The following SLC18A2 variants were observed in gnomAD, a reference collection of about 807,000 sequenced individuals.
SLC18A2 encodes solute carrier family 18 member A2.
A neutral mutation model predicts 59.2 loss-of-function variants in SLC18A2; 33 were observed. The ratio of observed to expected loss-of-function variants is 0.56; its 90% confidence interval spans 0.42 to 0.75. The LOEUF is 0.75. Among genes scored for constraint, SLC18A2 ranks in the 30% least tolerant of loss-of-function variants. The probability of loss-of-function intolerance (pLI) is 0.00; values close to 1 mark genes in which losing one functional copy is unlikely to be tolerated. For synonymous variants in SLC18A2, 228 were observed against 253.5 expected (o/e 0.90, Z 0.95); for missense variants, 569 against 668.6 (o/e 0.85, Z 1.64).
At chr10:117,267,599 A>C in intron 12 of SLC18A2, 74 bp from the exon 13 acceptor site, 1 of 1,161,774 alleles carries the variant, frequency 8.6e-7, no homozygotes, top group South Asian at 1.6e-5. Context: ...AGAAAACACA[A>C]GTTCAAGACT....
intron 3 of SLC18A2, among the ~76,000 whole-genome samples, chr10:117,244,707 C>T (rs1251079728): frequency 6.6e-6 from 1 of 152,338 alleles, no homozygotes; most frequent in East Asian, 1.9e-4. Context: ...TCTCCTACCT[C>T]AGGCCATGCA....
At chr10:117,258,002 C>A (rs935213779) in intron 10 of SLC18A2, 110 bp downstream of exon 10, 1 of 674,132 alleles carries the variant, frequency 1.5e-6, no homozygotes. Context: ...AAAGTGATTG[C>A]TTCTGTTTGA....
intron 13 of SLC18A2, chr10:117,268,741 G>C (rs1844379267): frequency 6.6e-6 from 1 of 152,276 alleles, no homozygotes; most frequent in South Asian, 2.1e-4. Flanking sequence ...GAGAATAATA[G>C]GGGGGACCAG....
Position 117,277,874 on chromosome 10 carries a change from A to G in SLC18A2, c.*608A>G, listed in dbSNP as rs1409339723. ...AAATCTTAGCTGGCATTAGTTTTCT[A>G]TGTAATCACCTACCTAGAGAGAGTT... On this transcript the variant is annotated 3_prime_UTR_variant, in exon 16 of 16. Coordinates refer to ENST00000644641, the MANE Select transcript of SLC18A2 (RefSeq NM_003054.6). The G allele has an allele frequency of 1.3e-5, 2 of 152,232 alleles. No homozygotes were observed. The highest frequency in any genetic ancestry group is 2.4e-5 in the African/African-American group (1 of 41,468). The allele number at this position is 152,232 out of a possible 1,614,324, so 9.4% of individuals were successfully genotyped here.
intron 13 of SLC18A2, chr10:117,268,031 AT>A (rs1310423797): frequency 1.7e-5 from 5 of 296,382 alleles, no homozygotes; most frequent in Non-Finnish European, 3.2e-5. Flanking sequence ...CACAGAGCTC[AT>A]TTTTGTGGAC....
chr10:117,250,968 G>A (rs1844156905), intron 3 of SLC18A2, among the ~76,000 whole-genome samples: 1 of 152,168 alleles, frequency 6.6e-6, no homozygotes, highest in Non-Finnish European at 1.5e-5. Flanking sequence ...ATTTTATTGA[G>A]TTTTGTCCTG....
intron 9 of SLC18A2, 136 bp from the exon 10 acceptor site, chr10:117,257,661 C>T: frequency 4.2e-6 from 2 of 477,024 alleles, no homozygotes; most frequent in Non-Finnish European, 3.7e-6. Flanking sequence ...TTGCTGTCCC[C>T]TTGATATGCG....
rs775593356 is a variant in SLC18A2, at chr10:117,270,121, C to T, written c.1237C>T (p.Arg413Trp). 5 of 1,614,134 alleles carry T rather than the reference C, an allele frequency of 3.1e-6. No individual in the cohort carries two copies. Among genetic ancestry groups the T allele is most frequent in the Admixed American group, 1.7e-5 (1 of 60,016 alleles). The change falls in exon 14 of 16, where the codon CGG (arginine) becomes TGG (tryptophan). Residue 413 changes from arginine to tryptophan, a missense_variant. By Grantham distance (101) the Arg-to-Trp change is moderately radical (BLOSUM62 -3). Transcript: ENST00000644641. ...TATCATGGGCTACCTCGTAGACCTG[C>T]GGCACGTGTCCGTCTATGGGAGTGT... ...MPIMGYLVDL[R>W]HVSVYGSVYA...
intron 2 of SLC18A2, 141 bp from the exon 3 acceptor site, chr10:117,243,830 C>T: frequency 1.5e-6 from 1 of 650,588 alleles, no homozygotes; most frequent in Non-Finnish European, 2.6e-6. Flanking sequence ...AGGTGATCCA[C>T]CTGCCTCAGC....
intron 15 of SLC18A2, among the ~76,000 whole-genome samples, chr10:117,275,862 T>TA (rs562249786): frequency 2.0e-5 from 3 of 152,322 alleles, no homozygotes; most frequent in African/African-American, 7.2e-5. Flanking sequence ...AGAGGATTTT[T>TA]AAAAAATCAT....
intron 3 of SLC18A2, among the ~76,000 whole-genome samples, chr10:117,251,899 G>A (rs983008462): frequency 6.6e-6 from 1 of 152,022 alleles, no homozygotes; most frequent in African/African-American, 2.4e-5. Context: ...AAATCTGGTG[G>A]GTGTAAATGC....
chr10:117,267,832 T>A (rs777907382), intron 13 of SLC18A2, 96 bp downstream of exon 13: 5 of 943,368 alleles, frequency 5.3e-6, no homozygotes, highest in Non-Finnish European at 8.0e-6. Flanking sequence ...CAACCTAAAT[T>A]TCCAGAATCT....
chr10:117,277,320 A>T lies in SLC18A2; in HGVS notation c.*54A>T. On this transcript the variant is annotated 3_prime_UTR_variant, in exon 16 of 16. Transcript: ENST00000644641. ...TTTAATTGTATAAAACAGTGTTTCC[A>T]GTGACACAACTCATCCAGAACTGTC... 1.8e-6 allele frequency: 2 copies of T among 1,127,952 alleles called. No individual in the cohort carries two copies. The highest frequency in any genetic ancestry group is 2.6e-6 in the Non-Finnish European group (2 of 760,250). The allele number at this position is 1,127,952 out of a possible 1,614,324, so 69.9% of individuals were successfully genotyped here.
rs945443212 is a variant in SLC18A2 at position 117,269,603 on chromosome 10, G to C, written c.1187-468G>C. Among the ~76,000 whole-genome samples, 1 of 152,092 alleles carries C rather than the reference G, an allele frequency of 6.6e-6. No individual in the cohort carries two copies. The highest frequency in any genetic ancestry group is 1.5e-5 in the Non-Finnish European group (1 of 68,014). On this transcript the variant is annotated intron_variant, in intron 13 of 15. Coordinates refer to ENST00000644641, the MANE Select transcript of SLC18A2 (RefSeq NM_003054.6). This position sits in a 1 kb window ranked among gnomAD's most constrained non-coding sequence, Gnocchi z 5.1. ...ATTGGTTTCCTCATCTATAAAATGG[G>C]GATGCTCATGATTGGCTGCTGTGAG...
At chr10:117,251,615 C>T (rs1844163307) in intron 3 of SLC18A2, among the ~76,000 whole-genome samples, 1 of 152,168 alleles carries the variant, frequency 6.6e-6, no homozygotes, top group Non-Finnish European at 1.5e-5. Context: ...GTGAGTTACT[C>T]TCTGTATTTT....
At chr10:117,260,273 C>T (rs894674620) in intron 10 of SLC18A2, among the ~76,000 whole-genome samples, 1 of 152,246 alleles carries the variant, frequency 6.6e-6, no homozygotes, top group Non-Finnish European at 1.5e-5. Context: ...AACACAGCCT[C>T]TCTGCCTGCT....
Position 117,277,301 on chromosome 10 carries a change from T to C in SLC18A2, c.*35T>C, listed in dbSNP as rs1389844235. On this transcript the variant is annotated 3_prime_UTR_variant, in exon 16 of 16. Coordinates refer to ENST00000644641, the MANE Select transcript of SLC18A2 (RefSeq NM_003054.6). ...CTCAAAAATCATCAAAGTGTTTAAT[T>C]GTATAAAACAGTGTTTCCAGTGACA... The C allele has an allele frequency of 3.0e-6, 4 of 1,318,050 alleles. No individual in the cohort carries two copies. The highest frequency in any genetic ancestry group is 4.4e-6 in the Non-Finnish European group (4 of 918,998). The allele number at this position is 1,318,050 out of a possible 1,614,324, so 81.6% of individuals were successfully genotyped here.
At chr10:117,261,602 A>AG (rs1267779989) in intron 10 of SLC18A2, among the ~76,000 whole-genome samples, 6 of 152,126 alleles carry the variant, frequency 3.9e-5, no homozygotes, top group African/African-American at 1.2e-4. Flanking sequence ...GCCCTGGGGA[A>AG]TGGGGGTGTC....
chr10:117,252,291 A>ATT (rs74595901), intron 3 of SLC18A2, among the ~76,000 whole-genome samples: 1 of 151,304 alleles, frequency 6.6e-6, no homozygotes, highest in East Asian at 2.0e-4. Context: ...GCCGATTACA[A>ATT]TTTTTTATTA....
Sources: allele counts gnomAD v4.1 joint callset (sites outside exome capture counted in the v4.1 genomes callset), GRCh38; gene constraint gnomAD v4.1.1; non-coding constraint Gnocchi (gnomAD v3.1); transcripts MANE v1.5; gene names NCBI Gene and HGNC (gene_info 2026-07-23, HGNC 2026-07-21).